Variants in RSU1 observed in about 807,000 individuals in gnomAD.
RSU1 encodes Ras suppressor protein 1, also known as rsu-1.
Under a neutral mutation model 31.1 loss-of-function variants are expected in RSU1, and 26 were observed. The ratio of observed to expected loss-of-function variants is 0.84; its 90% CI spans 0.61 to 1.16. The LOEUF (loss-of-function observed/expected upper bound fraction) is 1.16. RSU1 is among the 50% of genes most tolerant of loss of function. The probability of loss-of-function intolerance (pLI) is 0.00; values close to 1 mark genes in which losing one functional copy is unlikely to be tolerated. For missense variants in RSU1, 320 were observed against 339.1 expected, an observed-to-expected ratio of 0.94 and a Z score of 0.44; for synonymous variants, 164 against 136.3, an observed-to-expected ratio of 1.20 and a Z score of -1.41.
intron 7 of RSU1, among the ~76,000 whole-genome samples, chr10:16,719,440 C>T (rs533566399): frequency 1.2e-3 from 180 of 152,292 alleles, no homozygotes; most frequent in African/African-American, 4.1e-3. Context: ...CATGGGCTGT[C>T]GCGCTTCTTC....
chr10:16,629,404 T>G (rs564039613), intron 8 of RSU1, among the ~76,000 whole-genome samples: 105 of 152,236 alleles, frequency 6.9e-4, no homozygotes, highest in African/African-American at 2.4e-3. Context: ...TCTGCAGAAC[T>G]AGGACAGGCA....
chr10:16,767,022 CAAAAAAA>C (rs111562696), intron 3 of RSU1, among the ~76,000 whole-genome samples: 2 of 101,800 alleles, frequency 2.0e-5, no homozygotes, highest in East Asian at 4.9e-4. Context: ...ACTCTATGTC[CAAAAAAA>C]AAAAAAAAGA....
At chr10:16,648,707 A>T (rs1186120225) in intron 8 of RSU1, among the ~76,000 whole-genome samples, 1 of 152,128 alleles carries the variant, frequency 6.6e-6, no homozygotes, top group Non-Finnish European at 1.5e-5. Flanking sequence ...ATGTACCTGG[A>T]CTATATTCAG....
intron 8 of RSU1, among the ~76,000 whole-genome samples, chr10:16,642,660 A>G (rs981965162): frequency 2.0e-5 from 3 of 152,206 alleles, no homozygotes; most frequent in Non-Finnish European, 2.9e-5. Flanking sequence ...AGTCATACAG[A>G]TAAATATTCT....
At chr10:16,660,643 C>T (rs1307058903) in intron 8 of RSU1, among the ~76,000 whole-genome samples, 11 of 47,576 alleles carry the variant, frequency 2.3e-4, no homozygotes, top group African/African-American at 5.0e-4. Context: ...TTCTTGAACT[C>T]TCTTTTTTTT....
At chr10:16,684,861 C>T (rs1426143880) in intron 8 of RSU1, among the ~76,000 whole-genome samples, 1 of 152,156 alleles carries the variant, frequency 6.6e-6, no homozygotes, top group Non-Finnish European at 1.5e-5. Flanking sequence ...CCCAAAACTT[C>T]AATAATTTAA....
intron 8 of RSU1, among the ~76,000 whole-genome samples, chr10:16,619,958 C>A (rs566661434): frequency 2.0e-5 from 3 of 152,100 alleles, no homozygotes; most frequent in Non-Finnish European, 4.4e-5. Flanking sequence ...TCACAGGGTG[C>A]CAACAGGTTT....
At chr10:16,624,173 G>GT (rs1262952429) in intron 8 of RSU1, among the ~76,000 whole-genome samples, 1 of 151,994 alleles carries the variant, frequency 6.6e-6, no homozygotes, top group Non-Finnish European at 1.5e-5. Context: ...CTAGCTCAGG[G>GT]TATCAGGTCC....
chr10:16,705,934 A>T (rs1835890807), intron 7 of RSU1, among the ~76,000 whole-genome samples: 1 of 152,150 alleles, frequency 6.6e-6, no homozygotes, highest in African/African-American at 2.4e-5. Flanking sequence ...ACACCACCAC[A>T]CCCAGCCCAA....
intron 7 of RSU1, among the ~76,000 whole-genome samples, chr10:16,705,287 T>C (rs1235883596): frequency 6.6e-6 from 1 of 152,198 alleles, no homozygotes; most frequent in Non-Finnish European, 1.5e-5. Context: ...CCCCTGTGGA[T>C]GTCAAAAATC....
chr10:16,665,023 A>G (rs1057350071), intron 8 of RSU1, among the ~76,000 whole-genome samples: 1 of 152,060 alleles, frequency 6.6e-6, no homozygotes, highest in African/African-American at 2.4e-5. Context: ...AGTTCACTGC[A>G]ACCTCAGCCT....
intron 7 of RSU1, among the ~76,000 whole-genome samples, chr10:16,713,833 A>G (rs1394192134): frequency 6.6e-6 from 1 of 152,106 alleles, no homozygotes; most frequent in Non-Finnish European, 1.5e-5. Context: ...AGTAACTTTC[A>G]TTAGGAGATA....
intron 8 of RSU1, among the ~76,000 whole-genome samples, chr10:16,630,689 G>A (rs1444856569): frequency 1.3e-5 from 2 of 152,236 alleles, no homozygotes; most frequent in Admixed American, 1.3e-4. Flanking sequence ...TCCTTCTGCA[G>A]TGGTCATGAT....
intron 3 of RSU1, among the ~76,000 whole-genome samples, chr10:16,777,572 T>C (rs1423725337): frequency 6.6e-6 from 1 of 152,160 alleles, no homozygotes; most frequent in Non-Finnish European, 1.5e-5. Context: ...AAAGGTGGTT[T>C]CTAATCTTTA....
intron 7 of RSU1, among the ~76,000 whole-genome samples, chr10:16,735,959 A>G (rs2131605024): frequency 6.6e-6 from 1 of 152,278 alleles, no homozygotes; most frequent in East Asian, 1.9e-4. Context: ...ATGAGTAAGG[A>G]AAACTCCACA....
intron 8 of RSU1, among the ~76,000 whole-genome samples, chr10:16,595,314 G>A (rs1833593056): frequency 6.6e-6 from 1 of 152,032 alleles, no homozygotes; most frequent in Non-Finnish European, 1.5e-5. Context: ...ATCCAGGAAA[G>A]CTGGACACTA....
At chr10:16,759,070 T>C (rs1837154530) in intron 4 of RSU1, among the ~76,000 whole-genome samples, 1 of 152,204 alleles carries the variant, frequency 6.6e-6, no homozygotes, top group Admixed American at 6.5e-5. Flanking sequence ...TCTGTACTAA[T>C]GCCTCCTTTT....
chr10:16,764,315 TC>T (rs770569452), intron 4 of RSU1, 74 bp downstream of exon 4: 207 of 1,420,070 alleles, frequency 1.5e-4, no homozygotes, highest in Non-Finnish European at 1.8e-4. Context: ...ATAAAAGGAA[TC>T]CCTCCCCTGG....
At chr10:16,598,299 G>C (rs376111983) in intron 8 of RSU1, among the ~76,000 whole-genome samples, 3 of 152,262 alleles carry the variant, frequency 2.0e-5, no homozygotes. Context: ...AGCACTTCAG[G>C]AGGCCAAGGC....
Sources: gnomAD v4.1 joint callset for allele counts (sites outside exome capture counted in the v4.1 genomes callset) on GRCh38, gnomAD v4.1.1 for gene constraint, MANE v1.5 for transcripts, NCBI Gene and HGNC (gene_info 2026-07-23, HGNC 2026-07-21) for gene names.